Variants in CPT1A observed in about 807,000 individuals in gnomAD.
CPT1A encodes the protein carnitine palmitoyltransferase 1A.
A neutral mutation model predicts 100.8 loss-of-function variants in CPT1A; 64 were observed. The observed-to-expected ratio is 0.63, with a 90% CI of 0.52 to 0.78. The LOEUF (loss-of-function observed/expected upper bound fraction) is 0.78, where lower values mean the gene tolerates loss of function less well. Among genes scored for constraint, CPT1A ranks in the 30% least tolerant of loss-of-function variants. The probability of loss-of-function intolerance (pLI) is 0.00; values close to 1 mark genes in which losing one functional copy is unlikely to be tolerated. For missense variants in CPT1A, 802 were observed against 1,034.1 expected, an observed-to-expected ratio of 0.78 and a Z score of 3.08; for synonymous variants, 363 against 396.0, an observed-to-expected ratio of 0.92 and a Z score of 0.99.
chr11:68,835,745 G>T (rs566810938), intron 1 of CPT1A, among the ~76,000 whole-genome samples: 40 of 152,332 alleles, frequency 2.6e-4, no homozygotes, highest in African/African-American at 9.4e-4. Context: ...AGGCCCTCTG[G>T]CTGCCCAGTG....
At chr11:68,799,110 A>AT in intron 6 of CPT1A, 108 bp downstream of exon 6, 2 of 1,010,706 alleles carry the variant, frequency 2.0e-6, no homozygotes, top group South Asian at 2.7e-5. Context: ...CTAGGGTGTG[A>AT]TTTTGGCTAA....
At chr11:68,810,236 A>G (rs1303237926) in intron 3 of CPT1A, among the ~76,000 whole-genome samples, 1 of 152,192 alleles carries the variant, frequency 6.6e-6, no homozygotes, top group Non-Finnish European at 1.5e-5. Context: ...GTACGTAGGA[A>G]CAGCTCCAGA....
intron 2 of CPT1A, among the ~76,000 whole-genome samples, chr11:68,814,140 C>T (rs1349480755): frequency 6.6e-6 from 1 of 152,100 alleles, no homozygotes; most frequent in Non-Finnish European, 1.5e-5. Flanking sequence ...ACCTAGTTTG[C>T]ATGTTTTCAA....
chr11:68,794,414 T>A (rs995328666), intron 8 of CPT1A, among the ~76,000 whole-genome samples: 6 of 152,168 alleles, frequency 3.9e-5, no homozygotes, highest in Admixed American at 3.9e-4. Flanking sequence ...CTTTATTTTT[T>A]AATTTTTTTT....
At chr11:68,767,639 A>C (rs999618661) in intron 14 of CPT1A, among the ~76,000 whole-genome samples, 6 of 152,158 alleles carry the variant, frequency 3.9e-5, no homozygotes, top group Non-Finnish European at 8.8e-5. Flanking sequence ...ATAGCTATAT[A>C]ATATTCCGCT....
chr11:68,804,222 C>T, intron 4 of CPT1A, 121 bp from the exon 5 acceptor site: 1 of 753,546 alleles, frequency 1.3e-6, no homozygotes, highest in Non-Finnish European at 2.3e-6. Context: ...GGGAGAATGA[C>T]CATTTCAAAG....
intron 6 of CPT1A, 24 bp downstream of exon 6, chr11:68,799,194 G>A (rs1215723172): frequency 8.5e-7 from 1 of 1,183,398 alleles, no homozygotes; most frequent in Non-Finnish European, 1.2e-6. Context: ...ATTTCATCAA[G>A]AAAAACTGTG....
intron 1 of CPT1A, among the ~76,000 whole-genome samples, chr11:68,822,884 T>C (rs1199370698): frequency 1.3e-5 from 2 of 152,120 alleles, no homozygotes; most frequent in African/African-American, 4.8e-5. Flanking sequence ...AACAAGCAAA[T>C]CTACAGAGAC....
intron 1 of CPT1A, among the ~76,000 whole-genome samples, chr11:68,825,989 G>T (rs1173890169): frequency 1.3e-5 from 2 of 152,178 alleles, no homozygotes; most frequent in African/African-American, 4.8e-5. Flanking sequence ...AGGGCAGAGG[G>T]TTCCTAATGT....
intron 9 of CPT1A, chr11:68,786,159 T>C: frequency 3.0e-6 from 2 of 676,240 alleles, no homozygotes; most frequent in Non-Finnish European, 5.4e-6. Context: ...CCCAGGAGTT[T>C]GGGATCAGCC....
In CPT1A at chr11:68,781,789, T is replaced by A. The variant is rs1404414884; in HGVS notation, c.1334A>T (p.His445Leu). ...ACGGTACCTGTCGTAACATCGGCCG[T>A]GTAGTAGAGATTTGGCGTAGCTGTC... ...SMDSYAKSLL[H>L]GRCYDRWFDK... Residue 445 changes from histidine to leucine, a missense_variant, in exon 11 of 19, where the codon CAC becomes CTC. Around this residue, in one of 4 missense-constraint regions of CPT1A, gnomAD observed 627 missense variants for 799.3 expected, o/e 0.78. Transcript: ENST00000265641. The A allele has an allele frequency of 6.2e-7, 1 of 1,614,114 alleles. No individual in the cohort carries two copies. Among genetic ancestry groups the A allele is most frequent in the Non-Finnish European group, 8.5e-7 (1 of 1,180,022 alleles).
intron 1 of CPT1A, among the ~76,000 whole-genome samples, chr11:68,826,988 C>T (rs1189342096): frequency 6.6e-6 from 1 of 152,052 alleles, no homozygotes; most frequent in Admixed American, 6.6e-5. Flanking sequence ...TTCCAAGGAC[C>T]TGGTGCTTAG....
intron 1 of CPT1A, among the ~76,000 whole-genome samples, chr11:68,838,424 C>T (rs1247120552): frequency 6.6e-6 from 1 of 151,668 alleles, no homozygotes; most frequent in African/African-American, 2.4e-5. Flanking sequence ...TTGAAGCTAG[C>T]AAGCAGAAAA....
At position 68,800,072 on chromosome 11, in the gene CPT1A, G is replaced by A. The variant is rs766097622; in HGVS notation, c.556-717C>T. 9.1e-4 allele frequency among the ~76,000 whole-genome samples: 139 copies of A among 152,044 alleles called. 3 individuals are homozygous for A. Among genetic ancestry groups the A allele is most frequent in the Admixed American group, 2.5e-3 (38 of 15,254 alleles). On this transcript the variant is annotated intron_variant, in intron 5 of 18. Coordinates refer to ENST00000265641, the MANE Select transcript of CPT1A (RefSeq NM_001876.4). ...ACCTAAGTAAGTTTTGATGACCTGCGATGGTGACCATGAGATGGGGCAGAG... is the reference window on the plus strand; with the variant it reads ...ACCTAAGTAAGTTTTGATGACCTGCAATGGTGACCATGAGATGGGGCAGAG...
intron 2 of CPT1A, among the ~76,000 whole-genome samples, chr11:68,813,618 C>G (rs1294004502): frequency 6.6e-6 from 1 of 150,958 alleles, no homozygotes; most frequent in African/African-American, 2.4e-5. Flanking sequence ...AGGAGGATTG[C>G]CTGAGCCCAG....
At chr11:68,770,939 A>G (rs149336037) in intron 14 of CPT1A, among the ~76,000 whole-genome samples, 41 of 152,326 alleles carry the variant, frequency 2.7e-4, no homozygotes, top group Middle Eastern at 3.4e-3. Context: ...CTCAGGCAAG[A>G]TGCTTCACCT....
chr11:68,800,871 T>C (rs1855888165), intron 5 of CPT1A, among the ~76,000 whole-genome samples: 1 of 152,012 alleles, frequency 6.6e-6, no homozygotes, highest in Non-Finnish European at 1.5e-5. Context: ...CCCCAGCACT[T>C]TGGGAGGCTG....
At chr11:68,770,760 A>C (rs762066133) in intron 14 of CPT1A, among the ~76,000 whole-genome samples, 12 of 152,182 alleles carry the variant, frequency 7.9e-5, no homozygotes, top group Non-Finnish European at 1.3e-4. Context: ...ACAGTGCTGG[A>C]TTCTAGTTGC....
At chr11:68,820,943 A>G (rs952625774) in intron 1 of CPT1A, among the ~76,000 whole-genome samples, 1 of 152,138 alleles carries the variant, frequency 6.6e-6, no homozygotes, top group Non-Finnish European at 1.5e-5. Flanking sequence ...ATGAATGTGC[A>G]GTCCCTTATA....
Sources: allele counts gnomAD v4.1 joint callset (sites outside exome capture counted in the v4.1 genomes callset), GRCh38; gene constraint gnomAD v4.1.1; regional missense constraint gnomAD v4.1.1; transcripts MANE v1.5; gene names NCBI Gene and HGNC (gene_info 2026-07-23, HGNC 2026-07-21).